The following ROBO1 variants were observed in gnomAD, a reference collection of about 807,000 sequenced individuals.
ROBO1 encodes the protein roundabout guidance receptor 1, also known as roundabout homolog 1.
In ROBO1, 149 loss-of-function variants were observed where a neutral mutation model predicts 195.9. The ratio of observed to expected loss-of-function variants is 0.76; its 90% CI spans 0.67 to 0.87. The LOEUF is 0.87. Ranked by LOEUF, ROBO1 falls within the 40% of genes least tolerant of loss-of-function variation. The probability of loss-of-function intolerance (pLI) is 0.00; values close to 1 mark genes in which losing one functional copy is unlikely to be tolerated. For synonymous variants in ROBO1, 816 were observed against 733.2 expected (o/e 1.11, Z -1.82); for missense variants, 1,933 against 2,068.3 (o/e 0.93, Z 1.27).
chr3:79,046,473 CTA>C (rs2078595347), intron 3 of ROBO1, among the ~76,000 whole-genome samples: 1 of 151,892 alleles, frequency 6.6e-6, no homozygotes, highest in South Asian at 2.1e-4. Flanking sequence ...TATATAATAA[CTA>C]TATATAGTTT....
At chr3:78,676,355 G>T (rs1295549590) in intron 10 of ROBO1, among the ~76,000 whole-genome samples, 1 of 152,060 alleles carries the variant, frequency 6.6e-6, no homozygotes, top group Non-Finnish European at 1.5e-5. Flanking sequence ...AGAGAAGAAG[G>T]CTTCAGACGA....
chr3:79,463,183 C>T (rs1200406944), intron 2 of ROBO1, among the ~76,000 whole-genome samples: 3 of 152,044 alleles, frequency 2.0e-5, no homozygotes, highest in Non-Finnish European at 4.4e-5. Context: ...ACCATCCTGG[C>T]TAACACGGTG....
intron 3 of ROBO1, among the ~76,000 whole-genome samples, chr3:79,083,462 A>C (rs536334627): frequency 6.6e-6 from 1 of 152,316 alleles, no homozygotes; most frequent in South Asian, 2.1e-4. Flanking sequence ...TTTATAACCT[A>C]TCATGTTTTC....
chr3:78,939,433 T>C (rs914907564), intron 3 of ROBO1, among the ~76,000 whole-genome samples: 1 of 141,932 alleles, frequency 7.0e-6, no homozygotes, highest in East Asian at 2.1e-4. Flanking sequence ...GCTAACAAGG[T>C]GAAACCCCGT....
intron 3 of ROBO1, among the ~76,000 whole-genome samples, chr3:79,078,214 C>A (rs2079209577): frequency 6.6e-6 from 1 of 151,740 alleles, no homozygotes; most frequent in Non-Finnish European, 1.5e-5. Flanking sequence ...CATATTAACT[C>A]TAAACATTAA....
chr3:79,116,761 G>T (rs190424999), intron 3 of ROBO1, among the ~76,000 whole-genome samples: 2 of 151,738 alleles, frequency 1.3e-5, no homozygotes, highest in Admixed American at 6.6e-5. Flanking sequence ...TAAGTGATCC[G>T]CCCACCTTGG....
At chr3:79,071,734 A>ACACG (rs2079094124) in intron 3 of ROBO1, among the ~76,000 whole-genome samples, 1 of 147,760 alleles carries the variant, frequency 6.8e-6, no homozygotes, top group Middle Eastern at 3.4e-3. Flanking sequence ...GCACACACAC[A>ACACG]CACACGCACA....
At chr3:78,902,897 T>C (rs554881280) in intron 4 of ROBO1, among the ~76,000 whole-genome samples, 38 of 152,264 alleles carry the variant, frequency 2.5e-4, no homozygotes, top group African/African-American at 8.9e-4. Context: ...AAACATTTAC[T>C]GGTACTGTCC....
chr3:78,949,230 T>C (rs13320495), intron 3 of ROBO1, among the ~76,000 whole-genome samples: 9,333 of 125,944 alleles, frequency 0.074, 881 homozygotes, highest in African/African-American at 0.25. Context: ...AGAACAAAGC[T>C]GGAGGCATCA....
At chr3:78,645,171 T>A in intron 21 of ROBO1, among the ~76,000 whole-genome samples, 1 of 152,306 alleles carries the variant, frequency 6.6e-6, no homozygotes. Context: ...AGATTAGTAC[T>A]TGTTGCCAAA....
chr3:79,374,400 T>G lies in ROBO1; in HGVS notation c.88+215424A>C, dbSNP rs572795829. Among the ~76,000 whole-genome samples the G allele has an allele frequency of 2.6e-5, 4 of 152,274 alleles. No individual in the cohort carries two copies. The South Asian group carries it at 8.3e-4, about 32-fold the overall frequency. ...TAGGTATATGGTTGAAAATACAGACTCTAACTCTCTCTTCTTTAGAAAGAG... is the reference window on the plus strand; with the variant it reads ...TAGGTATATGGTTGAAAATACAGACGCTAACTCTCTCTTCTTTAGAAAGAG... On this transcript the variant is annotated intron_variant, in intron 2 of 30. Transcript: ENST00000464233.
chr3:78,735,905 C>T (rs930711391), intron 5 of ROBO1, among the ~76,000 whole-genome samples: 1 of 152,054 alleles, frequency 6.6e-6, no homozygotes, highest in African/African-American at 2.4e-5. Context: ...TGTGACTCAG[C>T]GTAAACCAAC....
At chr3:79,004,607 G>A (rs534341237) in intron 3 of ROBO1, among the ~76,000 whole-genome samples, 100 of 152,296 alleles carry the variant, frequency 6.6e-4, no homozygotes, top group African/African-American at 2.3e-3. Context: ...TGAGACACCT[G>A]TATTGATTCA....
intron 2 of ROBO1, among the ~76,000 whole-genome samples, chr3:79,343,648 A>G (rs1367415981): frequency 6.6e-6 from 1 of 152,164 alleles, no homozygotes. Context: ...AGCTGAAACC[A>G]TTAAATACAG....
chr3:79,762,191 G>A (rs1003390988), intron 1 of ROBO1, among the ~76,000 whole-genome samples: 1 of 152,068 alleles, frequency 6.6e-6, no homozygotes, highest in Non-Finnish European at 1.5e-5. Flanking sequence ...GGAAGATTTG[G>A]TGTCTGGGGA....
At chr3:79,392,837 A>ATCAC (rs2037005020) in intron 2 of ROBO1, among the ~76,000 whole-genome samples, 1 of 152,218 alleles carries the variant, frequency 6.6e-6, no homozygotes, top group African/African-American at 2.4e-5. Context: ...AACATTAGAA[A>ATCAC]TCACTCAGCC....
At chr3:79,471,774 T>G (rs893183471) in intron 2 of ROBO1, among the ~76,000 whole-genome samples, 1 of 152,134 alleles carries the variant, frequency 6.6e-6, no homozygotes. Context: ...GATGAGTTCA[T>G]GTCCTTTGCA....
At chr3:79,365,062 C>G (rs2035918054) in intron 2 of ROBO1, among the ~76,000 whole-genome samples, 2 of 152,102 alleles carry the variant, frequency 1.3e-5, no homozygotes, top group Non-Finnish European at 2.9e-5. Context: ...TCAGTTCTTC[C>G]CCTCAATTTC....
intron 2 of ROBO1, among the ~76,000 whole-genome samples, chr3:79,564,894 A>T (rs1242027559): frequency 1.3e-5 from 2 of 152,126 alleles, no homozygotes; most frequent in Non-Finnish European, 2.9e-5. Flanking sequence ...AGCAAAGCCT[A>T]TGAAATACAC....
Sources: gnomAD v4.1 joint callset for allele counts (sites outside exome capture counted in the v4.1 genomes callset) on GRCh38, gnomAD v4.1.1 for gene constraint, MANE v1.5 for transcripts, NCBI Gene and HGNC (gene_info 2026-07-23, HGNC 2026-07-21) for gene names.